GNB1: variants seen among roughly 807,000 people sequenced by gnomAD.
GNB1 encodes the protein guanine nucleotide-binding protein G(I)/G(S)/G(T) subunit beta-1.
A neutral mutation model predicts 42.9 loss-of-function variants in GNB1; 2 were observed. That is an observed-to-expected ratio of 0.05 (90% CI 0.02 to 0.15). GNB1 has a LOEUF of 0.15. Ranked by LOEUF, GNB1 falls within the 10% of genes least tolerant of loss-of-function variation. The probability of loss-of-function intolerance (pLI) is 1.00; values close to 1 mark genes in which losing one functional copy is unlikely to be tolerated. For synonymous variants in GNB1, 183 were observed against 174.7 expected (o/e 1.05, Z -0.38); for missense variants, 193 against 462.2 (o/e 0.42, Z 5.34).
At chr1:1,808,257 G>A (rs1228866190) in intron 5 of GNB1, among the ~76,000 whole-genome samples, 7 of 151,976 alleles carry the variant, frequency 4.6e-5, no homozygotes, top group African/African-American at 1.5e-4. Flanking sequence ...CGCCCACCTC[G>A]GCCTCCCAAC....
chr1:1,832,261 T>C (rs1557911949), intron 2 of GNB1: 1 of 152,130 alleles, frequency 6.6e-6, no homozygotes, highest in East Asian at 1.9e-4. Flanking sequence ...TCTCTTCGCT[T>C]CCCTCAGTCC....
chr1:1,885,861 T>C (rs1570765405), intron 1 of GNB1, among the ~76,000 whole-genome samples: 1 of 145,450 alleles, frequency 6.9e-6, no homozygotes, highest in Non-Finnish European at 1.5e-5. Context: ...CCCGGCCCAC[T>C]TAATCTTAAA....
intron 3 of GNB1, chr1:1,825,130 T>C (rs1646979923): frequency 2.8e-6 from 1 of 353,460 alleles, no homozygotes; most frequent in Non-Finnish European, 5.2e-6. Flanking sequence ...TTCAAGGTTA[T>C]GATAAAGAAT....
At chr1:1,831,374 A>G (rs1380263072) in intron 2 of GNB1, among the ~76,000 whole-genome samples, 1 of 152,156 alleles carries the variant, frequency 6.6e-6, no homozygotes, top group Non-Finnish European at 1.5e-5. Flanking sequence ...TATTGCTAAG[A>G]ACAATAAGGA....
At chr1:1,822,467 G>C (rs977301320) in intron 3 of GNB1, among the ~76,000 whole-genome samples, 3 of 151,870 alleles carry the variant, frequency 2.0e-5, no homozygotes, top group African/African-American at 7.3e-5. Flanking sequence ...CACCACACCT[G>C]GCTAATTTTT....
intron 1 of GNB1, among the ~76,000 whole-genome samples, chr1:1,874,188 T>C (rs542282141): frequency 6.6e-6 from 1 of 152,082 alleles, no homozygotes; most frequent in African/African-American, 2.4e-5. Context: ...ACGCGCCTCC[T>C]GGCCAGGTGC....
At chr1:1,872,701 C>A (rs1402189502) in intron 1 of GNB1, among the ~76,000 whole-genome samples, 1 of 152,078 alleles carries the variant, frequency 6.6e-6, no homozygotes, top group Non-Finnish European at 1.5e-5. Context: ...CTAAACAATA[C>A]CCTAAACCAA....
intron 7 of GNB1, 55 bp downstream of exon 7, chr1:1,804,364 T>A: frequency 1.7e-6 from 2 of 1,184,678 alleles, no homozygotes; most frequent in South Asian, 2.4e-5. Context: ...AAGCATATAA[T>A]GTACCCCAGG....
chr1:1,814,151 T>G (rs1268487892), intron 5 of GNB1, among the ~76,000 whole-genome samples: 1 of 152,148 alleles, frequency 6.6e-6, no homozygotes, highest in Non-Finnish European at 1.5e-5. Context: ...GAGCTCTCAT[T>G]TGCATGGGGA....
Position 1,830,508 on chromosome 1 carries a change from C to T in GNB1, c.-46-5009G>A, listed in dbSNP as rs969869763. Among the ~76,000 whole-genome samples, 10 of 152,092 alleles carry T rather than the reference C, an allele frequency of 6.6e-5. No homozygotes were observed. The East Asian group carries it at 1.9e-3, about 30-fold the overall frequency. ...TCGTGATCCGCCCGCCTCAGCCTCC[C>T]GAAGTGCTGGGATTACAAGAGTGAG... On this transcript the variant is annotated intron_variant, in intron 2 of 11. Transcript: ENST00000378609.
At chr1:1,831,301 C>T (rs559416976) in intron 2 of GNB1, among the ~76,000 whole-genome samples, 4 of 152,222 alleles carry the variant, frequency 2.6e-5, no homozygotes, top group South Asian at 4.2e-4. Context: ...AGCACCACTG[C>T]ACTCCAATCT....
intron 1 of GNB1, among the ~76,000 whole-genome samples, chr1:1,865,578 T>G (rs1648889810): frequency 6.6e-6 from 1 of 152,072 alleles, no homozygotes. Context: ...AGAGTGAGAC[T>G]CCATCTCAAA....
At chr1:1,842,213 A>T (rs11260618) in intron 1 of GNB1, among the ~76,000 whole-genome samples, 6 of 151,948 alleles carry the variant, frequency 3.9e-5, no homozygotes, top group African/African-American at 7.3e-5. Flanking sequence ...GGCAGATCAC[A>T]AGGTCAGCAG....
At chr1:1,855,702 TCAAAAAAAAAA>T (rs1648255130) in intron 1 of GNB1, among the ~76,000 whole-genome samples, 2 of 148,156 alleles carry the variant, frequency 1.3e-5, no homozygotes, top group Admixed American at 6.7e-5. Context: ...AGACTCCGTC[TCAAAAAAAAAA>T]CAAAAAAAAA....
At chr1:1,850,633 T>C (rs1280506992) in intron 1 of GNB1, among the ~76,000 whole-genome samples, 1 of 152,098 alleles carries the variant, frequency 6.6e-6, no homozygotes, top group East Asian at 1.9e-4. Flanking sequence ...ATTCTCGATC[T>C]TTTCACATAT....
intron 5 of GNB1, among the ~76,000 whole-genome samples, chr1:1,812,787 T>C (rs1260840974): frequency 2.6e-5 from 4 of 152,036 alleles, no homozygotes; most frequent in South Asian, 2.1e-4. Context: ...AGACGGAACA[T>C]AAAGCCTCCC....
intron 1 of GNB1, among the ~76,000 whole-genome samples, chr1:1,862,520 G>A (rs550643965): frequency 4.6e-5 from 7 of 151,550 alleles, no homozygotes; most frequent in Non-Finnish European, 7.4e-5. Flanking sequence ...AGGCTGGAGC[G>A]GCACAATTAC....
chr1:1,807,391 G>C (rs1466350258), intron 5 of GNB1, among the ~76,000 whole-genome samples: 3 of 144,700 alleles, frequency 2.1e-5, no homozygotes, highest in Non-Finnish European at 4.5e-5. Flanking sequence ...TTGAACCCAG[G>C]AGGCGGGGGT....
At chr1:1,811,846 A>G (rs1386653426) in intron 5 of GNB1, among the ~76,000 whole-genome samples, 4 of 151,932 alleles carry the variant, frequency 2.6e-5, no homozygotes, top group African/African-American at 7.3e-5. Context: ...TGGGCAGATC[A>G]TGAGGTCAGG....
Sources: gnomAD v4.1 joint callset for allele counts (sites outside exome capture counted in the v4.1 genomes callset) on GRCh38, gnomAD v4.1.1 for gene constraint, MANE v1.5 for transcripts, NCBI Gene and HGNC (gene_info 2026-07-23, HGNC 2026-07-21) for gene names.